The following DMD variants were observed in gnomAD, a reference collection of about 807,000 sequenced individuals.
DMD encodes dystrophin.
In DMD, 63 loss-of-function variants were observed where a neutral mutation model predicts 330.1. The observed-to-expected ratio is 0.19, with a 90% CI of 0.16 to 0.24. The LOEUF (loss-of-function observed/expected upper bound fraction) is 0.24, where lower values mean the gene tolerates loss of function less well. Among genes scored for constraint, DMD ranks in the 10% least tolerant of loss-of-function variants. The pLI is 1.00. For synonymous variants in DMD, 1,223 were observed against 959.8 expected, an observed-to-expected ratio of 1.27 and a Z score of -5.07; for missense variants, 3,344 against 2,684.1, an observed-to-expected ratio of 1.25 and a Z score of -5.43.
intron 20 of DMD, among the ~76,000 whole-genome samples, chrX:32,485,669 A>AT (rs2042362142): frequency 9.6e-6 from 1 of 104,586 alleles, no homozygotes; most frequent in Non-Finnish European, 1.9e-5. Context: ...ATATAAAAAT[A>AT]TATCTATAAT....
chrX:32,144,464 G>C (rs1206844137), intron 44 of DMD, among the ~76,000 whole-genome samples: 1 of 111,494 alleles, frequency 9.0e-6, no homozygotes, highest in African/African-American at 3.3e-5. Context: ...CTTAAAATCT[G>C]ATTGAATAAA....
intron 29 of DMD, among the ~76,000 whole-genome samples, chrX:32,434,874 T>C (rs2098253232): frequency 9.0e-6 from 1 of 111,635 alleles, no homozygotes; most frequent in Non-Finnish European, 1.9e-5. Flanking sequence ...GGATATTATG[T>C]TTAACATGAT....
chrX:32,614,125 T>C lies in DMD; in HGVS notation c.1482+178A>G, dbSNP rs762213891. Among the ~76,000 whole-genome samples the C allele has an allele frequency of 7.7e-4, 85 of 111,075 alleles. 1 individual carries two copies. The highest frequency in any genetic ancestry group is 2.3e-4 in the Non-Finnish European group (12 of 52,780). ...AATCACCTGAATTTTGGAGGGGACT[T>C]ATTCAAGCCATTGCAACAAAGATTG... On this transcript the variant is annotated intron_variant, in intron 12 of 78. Transcript: ENST00000357033.
chrX:32,694,541 G>T (rs1335987504), intron 9 of DMD, among the ~76,000 whole-genome samples: 1 of 112,143 alleles, frequency 8.9e-6, no homozygotes, highest in Non-Finnish European at 1.9e-5. Context: ...GGAGGGAAAT[G>T]ACTTTGATGA....
At chrX:32,663,478 A>G (rs1210633283) in intron 9 of DMD, among the ~76,000 whole-genome samples, 1 of 111,942 alleles carries the variant, frequency 8.9e-6, no homozygotes, top group Non-Finnish European at 1.9e-5. Context: ...GCAACTAACA[A>G]AAGAGCCTTT....
intron 62 of DMD, among the ~76,000 whole-genome samples, chrX:31,274,035 G>C (rs1374753537): frequency 8.9e-6 from 1 of 112,306 alleles, no homozygotes; most frequent in African/African-American, 3.2e-5. Flanking sequence ...TTCAGGAATA[G>C]TTAGGTATAC....
At chrX:32,400,625 A>T (rs1170387251) in intron 30 of DMD, among the ~76,000 whole-genome samples, 2 of 110,572 alleles carry the variant, frequency 1.8e-5, no homozygotes, top group Non-Finnish European at 3.8e-5. Flanking sequence ...TCAAAACCAC[A>T]ATGAGATACC....
At chrX:31,550,463 G>C (rs1197351541) in intron 55 of DMD, among the ~76,000 whole-genome samples, 1 of 111,807 alleles carries the variant, frequency 8.9e-6, no homozygotes, top group East Asian at 2.8e-4. Flanking sequence ...TGACTTCCTT[G>C]GATGTCAGTT....
chrX:32,775,498 T>C (rs1480838492), intron 7 of DMD, among the ~76,000 whole-genome samples: 4 of 113,363 alleles, frequency 3.5e-5, no homozygotes, highest in African/African-American at 9.6e-5. Flanking sequence ...ACCTCATTTC[T>C]TGCCTTCTGC....
chrX:33,010,878 G>A (rs1303108311), intron 2 of DMD, among the ~76,000 whole-genome samples: 1 of 111,147 alleles, frequency 9.0e-6, no homozygotes, highest in Non-Finnish European at 1.9e-5. Context: ...GTCAGCATCA[G>A]CATCACCTGA....
chrX:33,266,618 G>A (rs1436741416), intron 1 of DMD, among the ~76,000 whole-genome samples: 1 of 111,183 alleles, frequency 9.0e-6, no homozygotes, highest in East Asian at 2.8e-4. Context: ...GATGAGAGAC[G>A]AAGCATTTTT....
At chrX:31,431,670 T>G (rs1409523157) in intron 60 of DMD, among the ~76,000 whole-genome samples, 2 of 111,483 alleles carry the variant, frequency 1.8e-5, no homozygotes, top group East Asian at 5.7e-4. Flanking sequence ...GTGCTGGGAT[T>G]ACAGGCGTGA....
chrX:32,592,973 G>T (rs1034645312), intron 13 of DMD, among the ~76,000 whole-genome samples: 3 of 113,032 alleles, frequency 2.7e-5, no homozygotes, highest in African/African-American at 9.6e-5. Context: ...CGCTGCAGCT[G>T]GCATGCCTGT....
At chrX:31,146,641 T>C (rs943993058) in intron 75 of DMD, among the ~76,000 whole-genome samples, 1 of 112,002 alleles carries the variant, frequency 8.9e-6, no homozygotes, top group Non-Finnish European at 1.9e-5. Flanking sequence ...AAATCAGAGC[T>C]ACACTGGAAT....
intron 2 of DMD, among the ~76,000 whole-genome samples, chrX:32,887,844 CAACAAA>C (rs770197829): frequency 1.6e-4 from 16 of 103,184 alleles, no homozygotes; most frequent in Non-Finnish European, 2.7e-4. Flanking sequence ...AGAGCATAGG[CAACAAA>C]AATAAAAATA....
At chrX:31,253,600 T>C (rs1416045639) in intron 63 of DMD, among the ~76,000 whole-genome samples, 1 of 111,852 alleles carries the variant, frequency 8.9e-6, no homozygotes, top group East Asian at 2.8e-4. Flanking sequence ...AGGATTTTGA[T>C]AGCAGTGTTT....
intron 52 of DMD, among the ~76,000 whole-genome samples, chrX:31,686,799 T>C: frequency 8.9e-6 from 1 of 112,057 alleles, no homozygotes; most frequent in Non-Finnish European, 1.9e-5. Context: ...GCCAGTGGAT[T>C]AGGGTCTCCC....
chrX:31,606,128 G>A (rs1310719456), intron 55 of DMD, among the ~76,000 whole-genome samples: 1 of 111,024 alleles, frequency 9.0e-6, no homozygotes, highest in East Asian at 2.9e-4. Context: ...TTCCTACTTC[G>A]CTGGGCGCTT....
intron 44 of DMD, among the ~76,000 whole-genome samples, chrX:32,110,076 A>G (rs901942845): frequency 9.0e-6 from 1 of 111,653 alleles, no homozygotes; most frequent in Non-Finnish European, 1.9e-5. Context: ...TCTGAGATTC[A>G]GCGTTATACA....
Sources: allele counts gnomAD v4.1 joint callset (sites outside exome capture counted in the v4.1 genomes callset), GRCh38; gene constraint gnomAD v4.1.1; transcripts MANE v1.5; gene names NCBI Gene and HGNC (gene_info 2026-07-23, HGNC 2026-07-21).